The following ATM variants were observed in gnomAD, a reference collection of about 807,000 sequenced individuals.
ATM encodes the protein serine-protein kinase ATM.
A neutral mutation model predicts 387.0 loss-of-function variants in ATM; 308 were observed. The ratio of observed to expected loss-of-function variants is 0.80; its 90% confidence interval spans 0.73 to 0.87. The LOEUF (loss-of-function observed/expected upper bound fraction) is 0.87. Among genes scored for constraint, ATM ranks in the 40% least tolerant of loss-of-function variants. The pLI is 0.00. For missense variants in ATM, 3,312 were observed against 3,560.9 expected (o/e 0.93, Z 1.78); for synonymous variants, 1,156 against 1,187.3 (o/e 0.97, Z 0.54).
At chr11:108,365,250 A>G (rs938336710) in intron 62 of ATM, 32 bp downstream of exon 62, 3 of 1,614,196 alleles carry the variant, frequency 1.9e-6, no homozygotes, top group Non-Finnish European at 2.5e-6. Flanking sequence ...TCCTGTTGTC[A>G]GTTTTTCAGA....
Position 108,227,847 on chromosome 11 carries a change from T to C in ATM, c.144T>C (p.Asp48=). The C allele has an allele frequency of 6.2e-7, 1 of 1,613,516 alleles. No homozygotes were observed. Among genetic ancestry groups the C allele is most frequent in the Non-Finnish European group, 8.5e-7 (1 of 1,179,830 alleles). Residue 48 remains aspartate, a synonymous_variant, in exon 3 of 63, where the codon GAT becomes GAC. Coordinates refer to ENST00000675843, the MANE Select transcript of ATM (RefSeq NM_000051.4). The part of the protein sequence containing the change: ...ETIKHLDRHS[D]SKQGKYLNWD... ...TTAAACATCTAGATCGGCATTCAGATTCCAAACAAGGAAAATATTTGAATT... is the reference window on the plus strand; with the variant it reads ...TTAAACATCTAGATCGGCATTCAGACTCCAAACAAGGAAAATATTTGAATT...
chr11:108,332,045 G>T lies in ATM; in HGVS notation c.7788+8G>T, dbSNP rs112775908. 4,377 of 1,613,304 alleles carry T rather than the reference G, an allele frequency of 2.7e-3. 10 individuals are homozygous for T. Among genetic ancestry groups the T allele is most frequent in the Non-Finnish European group, 3.4e-3 (4,068 of 1,179,546 alleles). On this transcript the variant is annotated splice_region_variant and intron_variant, in intron 52 of 62. Transcript: ENST00000675843. Reference sequence around the variant, plus strand: ...AGCTCTCAGCTTGATGAGGTATTTGGATTAAACATACGTACCTTTTAGAAG... The same window carrying T: ...AGCTCTCAGCTTGATGAGGTATTTGTATTAAACATACGTACCTTTTAGAAG...
chr11:108,296,152 C>G (rs1158043413), intron 32 of ATM, among the ~76,000 whole-genome samples: 1 of 151,960 alleles, frequency 6.6e-6, no homozygotes, highest in Non-Finnish European at 1.5e-5. Context: ...GTTTTTCTAG[C>G]TTGCTTGTTA....
At chr11:108,332,133 T>A in intron 52 of ATM, 96 bp downstream of exon 52, 2 of 1,492,818 alleles carry the variant, frequency 1.3e-6, no homozygotes. Context: ...AGATGCCATC[T>A]AAAATCGGTT....
intron 26 of ATM, among the ~76,000 whole-genome samples, chr11:108,285,338 T>C (rs2082439208): frequency 6.6e-6 from 1 of 151,340 alleles, no homozygotes; most frequent in African/African-American, 2.4e-5. Context: ...TTTTTTTGGC[T>C]GATGTATCTC....
chr11:108,265,640 A>G (rs71464790), intron 16 of ATM, among the ~76,000 whole-genome samples: 15,047 of 148,738 alleles, frequency 0.1, 843 homozygotes, highest in East Asian at 0.21. Context: ...AATGGGATCT[A>G]ATTAAACTAA....
chr11:108,223,715 TAATG>T (rs2078600475), intron 1 of ATM: 1 of 152,244 alleles, frequency 6.6e-6, no homozygotes, highest in Non-Finnish European at 1.5e-5. Flanking sequence ...CAGTGGATGA[TAATG>T]TATGTGGTGA....
chr11:108,345,535 T>G (rs1389076800), intron 57 of ATM, among the ~76,000 whole-genome samples: 1 of 152,180 alleles, frequency 6.6e-6, no homozygotes, highest in Non-Finnish European at 1.5e-5. Context: ...TAGGTGTGCT[T>G]CCTCCCCCAA....
rs587782035 is a variant in ATM, at chr11:108,284,258, G to A, written c.3778G>A (p.Val1260Met). Reference sequence around the variant, plus strand: ...TTATAAGGTTTTGATTCCACATCTGGTGATTAGAAGTCATTTTGATGAGGT... The same window carrying A: ...TTATAAGGTTTTGATTCCACATCTGATGATTAGAAGTCATTTTGATGAGGT... ...SCYKVLIPHL[V>M]IRSHFDEVKS... The change falls in exon 26 of 63, where the codon GTG becomes ATG. Residue 1260 changes from valine (V) to methionine (M), a missense_variant. By Grantham distance (21) the Val-to-Met change is conservative. Around this residue, in one of 4 missense-constraint regions of ATM, gnomAD observed 1,791 missense variants for 1,804.5 expected, o/e 0.99. Coordinates refer to ENST00000675843, the MANE Select transcript of ATM (RefSeq NM_000051.4). 1.9e-6 allele frequency: 3 copies of A among 1,611,422 alleles called. No individual in the cohort carries two copies. The East Asian group carries it at 6.7e-5, about 36-fold the overall frequency.
At chr11:108,227,320 C>T in intron 1 of ATM, 1 of 318,520 alleles carries the variant, frequency 3.1e-6, no homozygotes, top group Non-Finnish European at 5.9e-6. Context: ...GTAAATTATA[C>T]TTTTATTTTA....
In ATM at chr11:108,329,919, A is replaced by T. The variant is rs78320042; in HGVS notation, c.7308-295A>T. ...TACAAAAGTTACCTATTTTGATGTAATTAAATCCCTTTATTTAAGCCTGTC... is the reference window on the plus strand; with the variant it reads ...TACAAAAGTTACCTATTTTGATGTATTTAAATCCCTTTATTTAAGCCTGTC... On this transcript the variant is annotated intron_variant, in intron 49 of 62. Coordinates refer to ENST00000675843, the MANE Select transcript of ATM (RefSeq NM_000051.4). 2.1e-3 allele frequency among the ~76,000 whole-genome samples: 316 copies of T among 152,320 alleles called. 1 individual carries two copies. The highest frequency in any genetic ancestry group is 7.1e-3 in the African/African-American group (294 of 41,564).
At position 108,365,465 on chromosome 11, in the gene ATM, A is replaced by G. The variant is rs867893961; in HGVS notation, c.9128A>G (p.Lys3043Arg). The change falls in exon 63 of 63, where the codon AAA becomes AGA. Residue 3043 changes from lysine to arginine, a missense_variant. By Grantham distance (26) the Lys-to-Arg change is conservative (BLOSUM62 2). Coordinates refer to ENST00000675843, the MANE Select transcript of ATM (RefSeq NM_000051.4). ...CTCATACAGCAGGCCATAGACCCCA[A>G]AAATCTCAGCCGACTTTTCCCAGGA... ...NLLIQQAIDPKNLSRLFPGWK... is the reference protein window; with the variant it reads ...NLLIQQAIDPRNLSRLFPGWK... 4 of 1,614,074 alleles carry G rather than the reference A, an allele frequency of 2.5e-6. No individual in the cohort carries two copies. The highest frequency in any genetic ancestry group is 3.4e-6 in the Non-Finnish European group (4 of 1,180,046).
At chr11:108,339,115 T>C (rs1049983003) in intron 56 of ATM, among the ~76,000 whole-genome samples, 4 of 152,230 alleles carry the variant, frequency 2.6e-5, no homozygotes, top group Non-Finnish European at 4.4e-5. Context: ...ACAGTTCTTA[T>C]TGTGTATGTT....
chr11:108,320,017 C>G lies in ATM; in HGVS notation c.6411C>G (p.Asp2137Glu), dbSNP rs780299607. 8 of 1,611,160 alleles carry G rather than the reference C, an allele frequency of 5.0e-6. No individual in the cohort carries two copies. Among genetic ancestry groups the G allele is most frequent in the Non-Finnish European group, 6.8e-6 (8 of 1,177,622 alleles). Residue 2137 changes from aspartate to glutamate, a missense_variant, in exon 44 of 63, where the codon GAC becomes GAG. Transcript: ENST00000675843. ...SLYNALQSLR[D>E]REFSTFYESL... is the part of the protein sequence containing the mutation. The stretch of plus-strand genomic sequence containing the variant: ...ACAATGCTCTACAATCTCTAAGAGA[C>G]AGAGAATTCTCTACATTTTATGAAA...
chr11:108,298,010 TC>T (rs1350625628), intron 33 of ATM, among the ~76,000 whole-genome samples: 5 of 152,220 alleles, frequency 3.3e-5, no homozygotes, highest in Non-Finnish European at 7.3e-5. Context: ...GTACTCAGTG[TC>T]TTTTGTTATG....
At chr11:108,352,924 G>A (rs969807991) in intron 59 of ATM, among the ~76,000 whole-genome samples, 3 of 152,138 alleles carry the variant, frequency 2.0e-5, no homozygotes, top group Non-Finnish European at 4.4e-5. Context: ...GGGGGTCAGA[G>A]GGCTGGGTGA....
In ATM at chr11:108,365,209, G is replaced by A. The variant is rs587778081; in HGVS notation, c.8978G>A (p.Arg2993Gln). 7 of 1,614,064 alleles carry A rather than the reference G, an allele frequency of 4.3e-6. No individual in the cohort carries two copies. The highest frequency in any genetic ancestry group is 2.7e-5 in the African/African-American group (2 of 74,926). Residue 2993 changes from arginine (R) to glutamine (Q), a missense_variant, in exon 62 of 63, where the codon CGA becomes CAA. Arg to Gln is a conservative substitution (Grantham distance 43). This residue lies in a region of ATM where 95 missense variants were observed against 100.3 expected (regional missense o/e 0.95). Transcript: ENST00000675843. ...TLNADDQECK[R>Q]NLSDIDQSFN... ...AATGCAGATGACCAAGAATGCAAAC[G>A]AAATCTCAGGTGAGCAGTATTTTAA...
intron 59 of ATM, among the ~76,000 whole-genome samples, chr11:108,351,062 C>T (rs1042283265): frequency 6.6e-6 from 1 of 152,130 alleles, no homozygotes; most frequent in Non-Finnish European, 1.5e-5. Flanking sequence ...TTTATATTCT[C>T]TTTGTATATA....
At chr11:108,310,977 C>A (rs189342343) in intron 39 of ATM, among the ~76,000 whole-genome samples, 1 of 152,020 alleles carries the variant, frequency 6.6e-6, no homozygotes. Flanking sequence ...AATGTTTGTT[C>A]GTTTGAAATG....
Sources: gnomAD v4.1 joint callset for allele counts (sites outside exome capture counted in the v4.1 genomes callset) on GRCh38, gnomAD v4.1.1 for gene constraint, gnomAD v4.1.1 regional missense constraint, MANE v1.5 for transcripts, NCBI Gene and HGNC (gene_info 2026-07-23, HGNC 2026-07-21) for gene names.